The following ZNF148 variants were observed in gnomAD, a reference collection of about 807,000 sequenced individuals.
The protein encoded by ZNF148 is zinc finger protein 148, also known as Beta-Enolase Repressor Factor-1.
A neutral mutation model predicts 67.7 loss-of-function variants in ZNF148; 7 were observed. That is an observed-to-expected ratio of 0.10 (90% CI 0.06 to 0.19). ZNF148 has a LOEUF of 0.19. Among genes scored for constraint, ZNF148 ranks in the 10% least tolerant of loss-of-function variants. ZNF148 has a pLI of 1.00. For missense variants in ZNF148, 583 were observed against 947.1 expected, an observed-to-expected ratio of 0.62 and a Z score of 5.05; for synonymous variants, 333 against 330.7, an observed-to-expected ratio of 1.01 and a Z score of -0.08.
chr3:125,258,817 A>T (rs1197956568), intron 7 of ZNF148, among the ~76,000 whole-genome samples: 1 of 152,182 alleles, frequency 6.6e-6, no homozygotes, highest in African/African-American at 2.4e-5. Flanking sequence ...TTGAATATTT[A>T]AAAATTCATA....
intron 7 of ZNF148, among the ~76,000 whole-genome samples, chr3:125,271,012 A>T (rs141645625): frequency 8.9e-4 from 136 of 152,380 alleles, no homozygotes; most frequent in African/African-American, 3.1e-3. Context: ...TGATTAATAC[A>T]TTTGTAATTA....
At chr3:125,337,896 G>GT (rs1361726709) in intron 1 of ZNF148, among the ~76,000 whole-genome samples, 1 of 151,812 alleles carries the variant, frequency 6.6e-6, no homozygotes, top group Non-Finnish European at 1.5e-5. Flanking sequence ...GAGCCCAGGA[G>GT]TTTGAGACCA....
intron 7 of ZNF148, among the ~76,000 whole-genome samples, chr3:125,267,024 A>C (rs1937545981): frequency 6.6e-6 from 1 of 151,820 alleles, no homozygotes; most frequent in African/African-American, 2.4e-5. Flanking sequence ...GAACAGATCA[A>C]TAACGAGTTC....
intron 7 of ZNF148, among the ~76,000 whole-genome samples, chr3:125,237,793 C>T (rs1048871982): frequency 6.6e-6 from 1 of 152,008 alleles, no homozygotes; most frequent in Admixed American, 6.6e-5. Context: ...CAGAAATTGA[C>T]GAACTAATCT....
At chr3:125,244,726 G>C (rs1337920516) in intron 7 of ZNF148, among the ~76,000 whole-genome samples, 2 of 152,122 alleles carry the variant, frequency 1.3e-5, no homozygotes, top group African/African-American at 4.8e-5. Context: ...TTGAACTCCT[G>C]ACCTCAAGTG....
intron 3 of ZNF148, 114 bp downstream of exon 3, chr3:125,323,195 C>T: frequency 5.0e-6 from 2 of 396,704 alleles, no homozygotes; most frequent in Non-Finnish European, 8.9e-6. Context: ...AATACCAAAA[C>T]TTTAAGAAAC....
intron 1 of ZNF148, among the ~76,000 whole-genome samples, chr3:125,371,133 A>G (rs1942865363): frequency 2.0e-5 from 3 of 151,830 alleles, no homozygotes; most frequent in Admixed American, 2.0e-4. Flanking sequence ...CAAGCAGACC[A>G]CTTGAGCCCA....
At chr3:125,261,843 T>C (rs2107574316) in intron 7 of ZNF148, among the ~76,000 whole-genome samples, 1 of 151,356 alleles carries the variant, frequency 6.6e-6, no homozygotes, top group Non-Finnish European at 1.5e-5. Context: ...TTTTTTTTTT[T>C]TAACACAAAG....
intron 7 of ZNF148, among the ~76,000 whole-genome samples, chr3:125,270,492 A>C (rs1319199299): frequency 2.0e-5 from 3 of 152,192 alleles, no homozygotes; most frequent in Non-Finnish European, 4.4e-5. Context: ...TAATTTGTAA[A>C]ACAAAGCATT....
At position 125,322,163 on chromosome 3, in the gene ZNF148, G is replaced by A. The variant is rs561342749; in HGVS notation, c.-17+1146C>T. Among the ~76,000 whole-genome samples the A allele has an allele frequency of 1.1e-3, 167 of 150,214 alleles. 1 individual carries two copies. Among genetic ancestry groups the A allele is most frequent in the African/African-American group, 4.0e-3 (162 of 40,812 alleles). On this transcript the variant is annotated intron_variant, in intron 3 of 8. Coordinates refer to ENST00000360647, the MANE Select transcript of ZNF148 (RefSeq NM_021964.3). ...TCCTGCCTCAGCCTCCCGAGTAGCC[G>A]GGACTACAGGGGCCCACCACCTCGC...
chr3:125,350,678 CGCTCCTAAGAGAATGTAA>C (rs779052933), intron 1 of ZNF148, among the ~76,000 whole-genome samples: 1 of 152,156 alleles, frequency 6.6e-6, no homozygotes, highest in Non-Finnish European at 1.5e-5. Context: ...ATAGGCTTCA[CGCTCCTAAGAGAATGTAA>C]GAGAATCTAA....
intron 7 of ZNF148, among the ~76,000 whole-genome samples, chr3:125,259,630 C>T (rs905955798): frequency 2.6e-5 from 4 of 152,138 alleles, no homozygotes; most frequent in Middle Eastern, 3.4e-3. Flanking sequence ...AATAGCATTA[C>T]GTCTAAAAAA....
chr3:125,348,784 A>G (rs780557944), intron 1 of ZNF148, among the ~76,000 whole-genome samples: 7 of 152,312 alleles, frequency 4.6e-5, no homozygotes, highest in South Asian at 2.1e-4. Flanking sequence ...AAGCCCCCGA[A>G]TGTAGCCAAA....
intron 4 of ZNF148, among the ~76,000 whole-genome samples, chr3:125,302,646 G>C (rs549736019): frequency 1.8e-4 from 28 of 152,212 alleles, no homozygotes; most frequent in African/African-American, 6.7e-4. Flanking sequence ...TAAAAGGACT[G>C]AATTATGGGT....
In ZNF148 at chr3:125,227,236, C is replaced by T. The variant is rs1008819373; in HGVS notation, c.*5105G>A. 3 of 152,314 alleles carry T rather than the reference C, an allele frequency of 2.0e-5. No individual in the cohort carries two copies. Among genetic ancestry groups the T allele is most frequent in the Non-Finnish European group, 4.4e-5 (3 of 67,980 alleles). The allele number at this position is 152,314 out of a possible 1,614,324, so 9.4% of individuals were successfully genotyped here. A position where few individuals can be genotyped will look rare whatever the true frequency, so the allele number is the denominator to read the frequency against. On this transcript the variant is annotated 3_prime_UTR_variant, in exon 9 of 9. Transcript: ENST00000360647. ...CTATATTATGTACATATTTAATTATCAATAGGAAATAGAAAATAAAAATTT... is the reference window on the plus strand; with the variant it reads ...CTATATTATGTACATATTTAATTATTAATAGGAAATAGAAAATAAAAATTT...
chr3:125,263,919 G>C (rs1414767225), intron 7 of ZNF148, among the ~76,000 whole-genome samples: 1 of 152,184 alleles, frequency 6.6e-6, no homozygotes, highest in African/African-American at 2.4e-5. Context: ...TCAACCTCCA[G>C]GAAGGGAAGA....
chr3:125,280,679 C>CA lies in ZNF148; in HGVS notation c.460-1433dup, dbSNP rs10709074. ...CTGGGCAATACAGTAAAACCCATCT[C>CA]AAAAAAAAAAAAAAATTGCCTTTCA... On this transcript the variant is annotated intron_variant, in intron 5 of 8. Coordinates refer to ENST00000360647, the MANE Select transcript of ZNF148 (RefSeq NM_021964.3). Among the ~76,000 whole-genome samples, 724 of 121,220 alleles carry CA rather than the reference C, an allele frequency of 6.0e-3. 5 individuals carry two copies. Among genetic ancestry groups the CA allele is most frequent in the African/African-American group, 0.02 (639 of 32,108 alleles). The allele number at this position is 121,220 out of a possible 152,430, so 79.5% of individuals were successfully genotyped here.
Position 125,277,799 on chromosome 3 carries a change from T to C in ZNF148, c.594A>G (p.Pro198=). The C allele has an allele frequency of 6.2e-7, 1 of 1,608,866 alleles. No homozygotes were observed. The highest frequency in any genetic ancestry group is 1.1e-5 in the South Asian group (1 of 89,892). ...GCATGTCACATTGACTACATTGAAA[T>C]GGTTTTTCACCTTAAAATAATTTCA... ...RHVFIHTGEK[P]FQCSQCDMRF... Residue 198 remains proline, a synonymous_variant, in exon 7 of 9, where the codon CCA becomes CCG. Transcript: ENST00000360647.
intron 1 of ZNF148, among the ~76,000 whole-genome samples, chr3:125,336,263 T>C (rs985016279): frequency 6.6e-6 from 1 of 152,220 alleles, no homozygotes; most frequent in African/African-American, 2.4e-5. Flanking sequence ...AATCTGAAAC[T>C]AAAAATGCTT....
Sources: allele counts gnomAD v4.1 joint callset (sites outside exome capture counted in the v4.1 genomes callset), GRCh38; gene constraint gnomAD v4.1.1; transcripts MANE v1.5; gene names NCBI Gene and HGNC (gene_info 2026-07-23, HGNC 2026-07-21).